MAP4K3: variants seen among roughly 807,000 people sequenced by gnomAD.
MAP4K3 encodes MAPK/ERK kinase kinase kinase 3.
A neutral mutation model predicts 143.5 loss-of-function variants in MAP4K3; 94 were observed. The observed-to-expected ratio is 0.65, with a 90% CI of 0.55 to 0.78. The LOEUF is 0.78. MAP4K3 is among the 30% of genes least tolerant of loss of function. The pLI is 0.00. For missense variants in MAP4K3, 1,077 were observed against 1,068.1 expected, an observed-to-expected ratio of 1.01 and a Z score of -0.12; for synonymous variants, 416 against 347.2, an observed-to-expected ratio of 1.20 and a Z score of -2.20.
intron 31 of MAP4K3, 77 bp downstream of exon 31, chr2:39,258,271 T>G: frequency 1.0e-6 from 1 of 956,258 alleles, no homozygotes; most frequent in Non-Finnish European, 1.6e-6. Context: ...ATAATATCAA[T>G]CTTTAATTTT....
intron 8 of MAP4K3, among the ~76,000 whole-genome samples, chr2:39,330,385 C>A (rs947773909): frequency 6.6e-6 from 1 of 152,036 alleles, no homozygotes; most frequent in Admixed American, 6.6e-5. Context: ...CAATCATGTA[C>A]AAGGATACAC....
chr2:39,346,157 C>G (rs977716355), intron 3 of MAP4K3, among the ~76,000 whole-genome samples: 4 of 152,156 alleles, frequency 2.6e-5, no homozygotes, highest in African/African-American at 4.8e-5. Flanking sequence ...CTGAGACTGG[C>G]AGATGTGTGG....
intron 15 of MAP4K3, among the ~76,000 whole-genome samples, chr2:39,301,911 C>G (rs1190802517): frequency 1.3e-5 from 2 of 152,000 alleles, no homozygotes; most frequent in Non-Finnish European, 2.9e-5. Context: ...GTAGTCCCAG[C>G]TACTCGGGAG....
intron 4 of MAP4K3, 26 bp from the exon 5 acceptor site, chr2:39,337,607 A>G (rs772629987): frequency 3.8e-5 from 57 of 1,508,862 alleles, no homozygotes; most frequent in Non-Finnish European, 3.7e-6. Flanking sequence ...ATTAATACTC[A>G]TAAAATTAGT....
intron 26 of MAP4K3, among the ~76,000 whole-genome samples, chr2:39,267,622 G>A (rs35509581): frequency 6.7e-6 from 1 of 149,294 alleles, no homozygotes; most frequent in South Asian, 2.1e-4. Flanking sequence ...GTGGTGAGCC[G>A]AGAGCACACC....
rs756755528 is a variant in MAP4K3 at position 39,265,317 on chromosome 2, A to G, written c.2033-11T>C. 18 of 1,491,682 alleles carry G rather than the reference A, an allele frequency of 1.2e-5. No homozygotes were observed. The East Asian group carries it at 3.8e-4, about 32-fold the overall frequency. 92.4% of individuals were successfully genotyped at this position (1,491,682 alleles called of 1,614,324 possible). On this transcript the variant is annotated splice_polypyrimidine_tract_variant and intron_variant, in intron 27 of 33. Coordinates refer to ENST00000263881, the MANE Select transcript of MAP4K3 (RefSeq NM_003618.4). ...TGTAAGGATTTCTTACTGTCAAAGCAAAAATATAAATGAGTTCTCTTATAA... is the reference window on the plus strand; with the variant it reads ...TGTAAGGATTTCTTACTGTCAAAGCGAAAATATAAATGAGTTCTCTTATAA...
intron 15 of MAP4K3, among the ~76,000 whole-genome samples, chr2:39,301,378 C>T (rs1013066333): frequency 3.3e-5 from 5 of 152,150 alleles, no homozygotes; most frequent in African/African-American, 1.2e-4. Context: ...ATTGTTATTA[C>T]AAAACTGCAC....
chr2:39,389,749 G>A (rs1419891783), intron 1 of MAP4K3, among the ~76,000 whole-genome samples: 1 of 152,088 alleles, frequency 6.6e-6, no homozygotes, highest in Non-Finnish European at 1.5e-5. Context: ...GCCAAAAGAT[G>A]TGCAATAACA....
In MAP4K3 at chr2:39,396,316, T is replaced by C. The variant is rs112755675; in HGVS notation, c.97-18193A>G. On this transcript the variant is annotated intron_variant, in intron 1 of 33. Transcript: ENST00000263881. The stretch of plus-strand genomic sequence containing the variant: ...TCGACCTCATGAAGTGTTGGGATTA[T>C]AGGTGAGCCACTGCACCCGGCCTAC... Among the ~76,000 whole-genome samples, 205 of 152,212 alleles carry C rather than the reference T, an allele frequency of 1.3e-3. 3 individuals are homozygous for C. The highest frequency in any genetic ancestry group is 4.6e-3 in the African/African-American group (192 of 41,528).
At chr2:39,306,144 A>G (rs187414580) in intron 15 of MAP4K3, among the ~76,000 whole-genome samples, 5 of 152,292 alleles carry the variant, frequency 3.3e-5, no homozygotes, top group Non-Finnish European at 7.4e-5. Context: ...TTGTAATTTT[A>G]AAGTATTATG....
intron 1 of MAP4K3, among the ~76,000 whole-genome samples, chr2:39,388,125 T>C (rs868006963): frequency 1.3e-5 from 2 of 152,106 alleles, no homozygotes; most frequent in African/African-American, 2.4e-5. Context: ...ACTAATAATA[T>C]GGATAAAACT....
chr2:39,360,969 T>A (rs1665753017), intron 2 of MAP4K3, among the ~76,000 whole-genome samples: 1 of 152,206 alleles, frequency 6.6e-6, no homozygotes, highest in African/African-American at 2.4e-5. Flanking sequence ...AGATGAACCC[T>A]GAAAAGGTCC....
intron 28 of MAP4K3, among the ~76,000 whole-genome samples, chr2:39,263,173 A>C (rs1179349492): frequency 6.6e-6 from 1 of 152,196 alleles, no homozygotes; most frequent in Non-Finnish European, 1.5e-5. Context: ...AAAGCGTAAC[A>C]ATGTTTTTGA....
intron 12 of MAP4K3, among the ~76,000 whole-genome samples, chr2:39,321,562 C>A (rs1683304302): frequency 6.6e-6 from 1 of 152,066 alleles, no homozygotes; most frequent in African/African-American, 2.4e-5. Context: ...CCTGACCGTC[C>A]CCCAGCCCGA....
At chr2:39,427,459 C>G (rs1021538971) in intron 1 of MAP4K3, among the ~76,000 whole-genome samples, 2 of 152,078 alleles carry the variant, frequency 1.3e-5, no homozygotes, top group African/African-American at 4.8e-5. Flanking sequence ...TAAAGAAGCA[C>G]TGTCTGTATA....
At chr2:39,352,939 G>A (rs1396403531) in intron 3 of MAP4K3, among the ~76,000 whole-genome samples, 1 of 152,180 alleles carries the variant, frequency 6.6e-6, no homozygotes, top group Non-Finnish European at 1.5e-5. Flanking sequence ...GCAATGAACA[G>A]TATATATTTT....
At chr2:39,435,283 C>T (rs1665424414) in intron 1 of MAP4K3, among the ~76,000 whole-genome samples, 1 of 152,186 alleles carries the variant, frequency 6.6e-6, no homozygotes, top group South Asian at 2.1e-4. Context: ...TCTAATGTCA[C>T]TCCTCTGCTT....
chr2:39,268,634 ATTTTTTTTTTT>A (rs70954799), intron 26 of MAP4K3, among the ~76,000 whole-genome samples: 2 of 73,772 alleles, frequency 2.7e-5, no homozygotes, highest in African/African-American at 5.2e-5. Context: ...GATTTTTTCT[ATTTTTTTTTTT>A]TTTTTTTTTT....
At chr2:39,283,258 C>A (rs1218914593) in intron 21 of MAP4K3, among the ~76,000 whole-genome samples, 1 of 152,128 alleles carries the variant, frequency 6.6e-6, no homozygotes, top group African/African-American at 2.4e-5. Flanking sequence ...CATATCACAT[C>A]ACACCCACCA....
Sources: gnomAD v4.1 joint callset for allele counts (sites outside exome capture counted in the v4.1 genomes callset) on GRCh38, gnomAD v4.1.1 for gene constraint, MANE v1.5 for transcripts, NCBI Gene and HGNC (gene_info 2026-07-23, HGNC 2026-07-21) for gene names.